CSNK2A2IP: variants seen among roughly 807,000 people sequenced by gnomAD.
CSNK2A2IP encodes the protein casein kinase II subunit alpha'-interacting protein.
the CSNK2A2IP span, among the ~76,000 whole-genome samples, chr3:88,397,757 T>G: frequency 2.0e-4 from 17 of 85,296 alleles, no homozygotes; most frequent in Admixed American, 2.7e-3. Context: ...CTAGGATATC[T>G]CCTATCTCTT....
chr3:88,465,368 T>C, the CSNK2A2IP span: 10 of 1,231,558 alleles, frequency 8.1e-6, no homozygotes, highest in Non-Finnish European at 1.0e-5. Flanking sequence ...ATGGTGCCAC[T>C]AGCATATTAT....
At chr3:88,405,859 A>G in the CSNK2A2IP span, among the ~76,000 whole-genome samples, 1 of 152,174 alleles carries the variant, frequency 6.6e-6, no homozygotes, top group Non-Finnish European at 1.5e-5. Context: ...GAGCTTGCAG[A>G]ACAAAAATAT....
the CSNK2A2IP span, among the ~76,000 whole-genome samples, chr3:88,416,600 T>C: frequency 4.6e-5 from 7 of 152,336 alleles, no homozygotes; most frequent in Middle Eastern, 3.4e-3. Context: ...TCTTCGCTCC[T>C]GAAACACTTG....
At chr3:88,428,903 T>C in the CSNK2A2IP span, among the ~76,000 whole-genome samples, 340 of 151,904 alleles carry the variant, frequency 2.2e-3, 1 homozygote, top group African/African-American at 8.0e-3. Flanking sequence ...ATTTATAATA[T>C]TTATGTGCAG....
chr3:88,447,267 G>C, the CSNK2A2IP span, among the ~76,000 whole-genome samples: 1 of 152,052 alleles, frequency 6.6e-6, no homozygotes, highest in Non-Finnish European at 1.5e-5. Context: ...TAAAGCAAGA[G>C]GCCATGGGAT....
At chr3:88,440,380 A>G in the CSNK2A2IP span, among the ~76,000 whole-genome samples, 2 of 152,144 alleles carry the variant, frequency 1.3e-5, no homozygotes, top group Non-Finnish European at 2.9e-5. Flanking sequence ...ATTATAGATT[A>G]ATACATATAT....
chr3:88,389,865 C>T, the CSNK2A2IP span, among the ~76,000 whole-genome samples: 1 of 149,984 alleles, frequency 6.7e-6, no homozygotes, highest in Non-Finnish European at 1.5e-5. Flanking sequence ...TTTTTTTTCT[C>T]CTAAGCAGCA....
the CSNK2A2IP span, among the ~76,000 whole-genome samples, chr3:88,355,227 T>C: frequency 5.9e-5 from 9 of 151,932 alleles, no homozygotes; most frequent in Non-Finnish European, 1.2e-4. Context: ...AGAAGTAGAG[T>C]AGATTGAGTT....
the CSNK2A2IP span, among the ~76,000 whole-genome samples, chr3:88,385,626 T>C: frequency 6.6e-6 from 1 of 152,080 alleles, no homozygotes; most frequent in Non-Finnish European, 1.5e-5. Context: ...TATTTATAGG[T>C]TTATTGGGAA....
At chr3:88,432,057 T>A in the CSNK2A2IP span, among the ~76,000 whole-genome samples, 1 of 152,102 alleles carries the variant, frequency 6.6e-6, no homozygotes, top group African/African-American at 2.4e-5. Context: ...TTAAAATATC[T>A]ATATTTTATT....
chr3:88,446,500 C>G, the CSNK2A2IP span, among the ~76,000 whole-genome samples: 1 of 152,304 alleles, frequency 6.6e-6, no homozygotes, highest in African/African-American at 2.4e-5. Context: ...CTGAATTTTT[C>G]CAATAGTCAA....
chr3:88,350,748 G>A, the CSNK2A2IP span, among the ~76,000 whole-genome samples: 1,634 of 152,238 alleles, frequency 0.011, 42 homozygotes, highest in African/African-American at 0.038. Flanking sequence ...AGGGCACTGA[G>A]TGAAAAGGTA....
the CSNK2A2IP span, chr3:88,465,534 C>T: frequency 3.2e-6 from 4 of 1,231,694 alleles, no homozygotes; most frequent in Non-Finnish European, 3.0e-6. Context: ...CTCCACTGGG[C>T]TCCAATAAGA....
the CSNK2A2IP span, among the ~76,000 whole-genome samples, chr3:88,387,810 T>G: frequency 6.6e-6 from 1 of 152,144 alleles, no homozygotes; most frequent in Admixed American, 6.5e-5. Flanking sequence ...ACTGCAGCCT[T>G]GAACTCCTGA....
chr3:88,346,423 G>T, the CSNK2A2IP span, among the ~76,000 whole-genome samples: 22 of 152,068 alleles, frequency 1.4e-4, no homozygotes, highest in South Asian at 3.1e-3. Flanking sequence ...TCAATGTCTG[G>T]CTTCAAAGCT....
At chr3:88,453,362 T>A in the CSNK2A2IP span, among the ~76,000 whole-genome samples, 20 of 152,094 alleles carry the variant, frequency 1.3e-4, no homozygotes, top group African/African-American at 3.9e-4. Flanking sequence ...CAATGCTAGG[T>A]TGCTCTGGAC....
chr3:88,466,870 C>T, the CSNK2A2IP span: 26 of 1,158,278 alleles, frequency 2.2e-5, no homozygotes, highest in Non-Finnish European at 2.8e-5. Context: ...TTCTGTCATA[C>T]CAACACCTGA....
the CSNK2A2IP span, among the ~76,000 whole-genome samples, chr3:88,383,852 G>T: frequency 6.6e-6 from 1 of 151,904 alleles, no homozygotes; most frequent in African/African-American, 2.4e-5. Context: ...TTTTAGTAGA[G>T]ACAGGGTTCA....
the CSNK2A2IP span, among the ~76,000 whole-genome samples, chr3:88,393,060 TG>T: frequency 6.6e-6 from 1 of 152,076 alleles, no homozygotes; most frequent in Admixed American, 6.6e-5. Context: ...GGAGGAAGAA[TG>T]GGTATAGCTG....
Sources: allele counts gnomAD v4.1 joint callset (sites outside exome capture counted in the v4.1 genomes callset), GRCh38; gene constraint gnomAD v4.1.1; transcripts MANE v1.5; gene names NCBI Gene and HGNC (gene_info 2026-07-23, HGNC 2026-07-21).